Variants in KIAA1671 observed in about 807,000 individuals in gnomAD.
The protein encoded by KIAA1671 is uncharacterized protein KIAA1671.
A neutral mutation model predicts 131.2 loss-of-function variants in KIAA1671; 52 were observed. That is an observed-to-expected ratio of 0.40 (90% CI 0.32 to 0.50). The LOEUF is 0.50. KIAA1671 is among the 20% of genes least tolerant of loss of function. KIAA1671 has a pLI of 0.73. For synonymous variants in KIAA1671, 1,003 were observed against 961.6 expected, an observed-to-expected ratio of 1.04 and a Z score of -0.80; for missense variants, 2,360 against 2,364.2, an observed-to-expected ratio of 1.00 and a Z score of 0.04.
intron 6 of KIAA1671, chr22:25,058,084 T>C (rs1215663499): frequency 6.6e-6 from 1 of 152,204 alleles, no homozygotes; most frequent in African/African-American, 2.4e-5. Context: ...TTTCTTCTTC[T>C]GGAAATGGAA....
At chr22:25,069,203 A>G (rs1451543154) in intron 6 of KIAA1671, among the ~76,000 whole-genome samples, 1 of 152,172 alleles carries the variant, frequency 6.6e-6, no homozygotes, top group Non-Finnish European at 1.5e-5. Flanking sequence ...ATGACCATGA[A>G]AACTAAACTA....
Position 25,028,455 on chromosome 22 carries a change from C to T in KIAA1671, c.456C>T (p.Ser152=), listed in dbSNP as rs992144450. The change falls in exon 3 of 13, where the codon AGC becomes AGT. Residue 152 remains serine (S), a synonymous_variant. Coordinates refer to ENST00000358431, the MANE Select transcript of KIAA1671 (RefSeq NM_001145206.2). ...TGATTCTCTTCGAAACCACCAAAAG[C>T]GGCCCCGCTCTGGGGAAGGCGGTTA... is the stretch of plus-strand genomic sequence containing the variant. ...STMILFETTK[S]GPALGKAVSE... 1.8e-4 allele frequency: 281 copies of T among 1,550,420 alleles called. 2 individuals are homozygous for T. In the African/African-American group the frequency reaches 3.2e-3, roughly 18 times the overall value.
At chr22:25,120,496 T>C (rs940135505) in intron 6 of KIAA1671, among the ~76,000 whole-genome samples, 4 of 152,196 alleles carry the variant, frequency 2.6e-5, no homozygotes, top group Admixed American at 6.5e-5. Flanking sequence ...CTGGAGTGAA[T>C]GGAGGGGCAG....
chr22:25,045,029 C>T (rs1467722991), intron 5 of KIAA1671, among the ~76,000 whole-genome samples: 6 of 151,986 alleles, frequency 3.9e-5, no homozygotes, highest in African/African-American at 7.2e-5. Context: ...GGCACAGTGG[C>T]GGGCGCCTGT....
intron 6 of KIAA1671, among the ~76,000 whole-genome samples, chr22:25,128,915 C>T (rs946189916): frequency 6.6e-6 from 1 of 152,226 alleles, no homozygotes; most frequent in Non-Finnish European, 1.5e-5. Flanking sequence ...CTGTCAAGCA[C>T]CTGCTGTGTG....
Position 25,028,685 on chromosome 22 carries a change from G to A in KIAA1671, c.686G>A (p.Arg229His), listed in dbSNP as rs1271381341. ...SKASSVEDTA[R>H]PLVEPRPRLK... Reference sequence around the variant, plus strand: ...GCCAGCAGTGTGGAGGACACGGCACGCCCCCTTGTGGAGCCCAGGCCTCGC... The same window carrying A: ...GCCAGCAGTGTGGAGGACACGGCACACCCCCTTGTGGAGCCCAGGCCTCGC... Residue 229 changes from arginine to histidine, a missense_variant, in exon 3 of 13, where the codon CGC becomes CAC. Arg to His is a conservative substitution (Grantham distance 29). This residue lies in a region of KIAA1671 where 1,185 missense variants were observed against 1,126.2 expected (regional missense o/e 1.05). Transcript: ENST00000358431. 35 of 1,551,152 alleles carry A rather than the reference G, an allele frequency of 2.3e-5. No individual in the cohort carries two copies. The highest frequency in any genetic ancestry group is 3.0e-5 in the Non-Finnish European group (34 of 1,147,002).
At chr22:25,000,211 T>TTTTTTAAATGTAGCTTTC in intron 1 of KIAA1671, among the ~76,000 whole-genome samples, 1 of 73,776 alleles carries the variant, frequency 1.4e-5, no homozygotes, top group Admixed American at 1.3e-4. Flanking sequence ...TTTTTTTTTT[T>TTTTTTAAATGTAGCTTTC]GAGACGGAGT....
intron 10 of KIAA1671, among the ~76,000 whole-genome samples, chr22:25,182,167 G>A (rs961033826): frequency 4.1e-5 from 6 of 144,690 alleles, no homozygotes; most frequent in East Asian, 4.2e-4. Context: ...CGACAGAGCG[G>A]GACTCCATCT....
intron 1 of KIAA1671, among the ~76,000 whole-genome samples, chr22:24,993,756 A>G (rs996364653): frequency 6.6e-6 from 1 of 152,148 alleles, no homozygotes; most frequent in African/African-American, 2.4e-5. Context: ...CATCTTTTGG[A>G]AAAATTGGAA....
chr22:25,075,787 T>C (rs1360759638), intron 6 of KIAA1671, among the ~76,000 whole-genome samples: 1 of 149,220 alleles, frequency 6.7e-6, no homozygotes, highest in Non-Finnish European at 1.5e-5. Flanking sequence ...TCTTTTTTTT[T>C]TTTTTTGAGA....
chr22:25,114,400 C>G (rs1006921829), intron 6 of KIAA1671, among the ~76,000 whole-genome samples: 1 of 152,264 alleles, frequency 6.6e-6, no homozygotes, highest in Non-Finnish European at 1.5e-5. Context: ...TGAATGCTCT[C>G]TCTCTGTTGC....
intron 4 of KIAA1671, among the ~76,000 whole-genome samples, chr22:25,034,948 A>G (rs1370573055): frequency 6.6e-6 from 1 of 150,762 alleles, no homozygotes; most frequent in African/African-American, 2.4e-5. Flanking sequence ...CGTGTTAGCC[A>G]GGATGGTCTC....
chr22:25,141,568 T>C (rs1452555420), intron 6 of KIAA1671, among the ~76,000 whole-genome samples: 2 of 152,106 alleles, frequency 1.3e-5, no homozygotes, highest in Non-Finnish European at 2.9e-5. Context: ...AATATATGTA[T>C]CTTTATATCT....
chr22:25,076,800 A>G (rs1286014468), intron 6 of KIAA1671, among the ~76,000 whole-genome samples: 2 of 152,030 alleles, frequency 1.3e-5, no homozygotes, highest in African/African-American at 4.8e-5. Context: ...CACCACCACC[A>G]CTCCTACTGA....
rs367693300 is a variant in KIAA1671, at chr22:24,987,331, C to T, written c.-208+34559C>T. On this transcript the variant is annotated intron_variant, in intron 1 of 12. Coordinates refer to ENST00000358431, the MANE Select transcript of KIAA1671 (RefSeq NM_001145206.2). ...GACTACAGGCGCCTGCCACCATGCC[C>T]GGCTAATTTTTTGTATTTTTCAGTA... Among the ~76,000 whole-genome samples the T allele has an allele frequency of 8.2e-4, 124 of 151,896 alleles. No individual in the cohort carries two copies. In the East Asian group the frequency reaches 0.014, roughly 17 times the overall value.
At chr22:25,083,438 A>C (rs1196271616) in intron 6 of KIAA1671, among the ~76,000 whole-genome samples, 2 of 152,032 alleles carry the variant, frequency 1.3e-5, no homozygotes, top group Non-Finnish European at 2.9e-5. Flanking sequence ...TTTGGGGGGA[A>C]TATATTTCAG....
At position 25,029,537 on chromosome 22, in the gene KIAA1671, A is replaced by C; in HGVS notation, c.1538A>C (p.Lys513Thr). 1 of 1,533,270 alleles carries C rather than the reference A, an allele frequency of 6.5e-7. No homozygotes were observed. Among genetic ancestry groups the C allele is most frequent in the Non-Finnish European group, 8.8e-7 (1 of 1,138,062 alleles). 95.0% of individuals were successfully genotyped at this position (1,533,270 alleles called of 1,614,324 possible). Reference sequence around the variant, plus strand: ...CGGCCGCTGTCGGCGGATTTGACCAAATTGTAAGTAGGCACATCCCACACC... The same window carrying C: ...CGGCCGCTGTCGGCGGATTTGACCACATTGTAAGTAGGCACATCCCACACC... ...QARPLSADLT[K>T]LFSSSASSNE... The change falls in exon 3 of 13, where the codon AAA becomes ACA. Residue 513 changes from lysine (K) to threonine (T), a missense_variant. Lys to Thr is a moderately conservative substitution (Grantham distance 78, BLOSUM62 -1). Transcript: ENST00000358431.
intron 1 of KIAA1671, among the ~76,000 whole-genome samples, chr22:24,997,309 C>T (rs1393022647): frequency 6.6e-6 from 1 of 152,092 alleles, no homozygotes; most frequent in African/African-American, 2.4e-5. Flanking sequence ...GGGACCCATG[C>T]GCATTAGCTC....
At position 25,039,228 on chromosome 22, in the gene KIAA1671, C is replaced by T. The variant is rs1407094320; in HGVS notation, c.2098C>T (p.Pro700Ser). Reference sequence around the variant, plus strand: ...TGGTGAACTGAGACCGTATCACACGCCTCTCCGGGACAAATACCCTTTGTC... The same window carrying T: ...TGGTGAACTGAGACCGTATCACACGTCTCTCCGGGACAAATACCCTTTGTC... ...LNGELRPYHT[P>S]LRDKYPLSEN... The change falls in exon 5 of 13, where the codon CCT (proline) becomes TCT (serine). Residue 700 changes from proline (P) to serine (S), a missense_variant. This residue lies in a region of KIAA1671 where 1,185 missense variants were observed against 1,126.2 expected (regional missense o/e 1.05). Coordinates refer to ENST00000358431, the MANE Select transcript of KIAA1671 (RefSeq NM_001145206.2). The T allele has an allele frequency of 8.4e-6, 13 of 1,552,188 alleles. No individual in the cohort carries two copies. Among genetic ancestry groups the T allele is most frequent in the Non-Finnish European group, 1.1e-5 (13 of 1,147,136 alleles).
Sources: allele counts gnomAD v4.1 joint callset (sites outside exome capture counted in the v4.1 genomes callset), GRCh38; gene constraint gnomAD v4.1.1; regional missense constraint gnomAD v4.1.1; transcripts MANE v1.5; gene names NCBI Gene and HGNC (gene_info 2026-07-23, HGNC 2026-07-21).